The following GCH1 variants were observed in gnomAD, a reference collection of about 807,000 sequenced individuals.
The protein encoded by GCH1 is GTP cyclohydrolase I.
GCH1 carries 5 observed loss-of-function variants against 25.9 expected under a neutral mutation model. The ratio of observed to expected loss-of-function variants is 0.19; its 90% confidence interval spans 0.10 to 0.41. The LOEUF (loss-of-function observed/expected upper bound fraction) is 0.41, where lower values mean the gene tolerates loss of function less well. Ranked by LOEUF, GCH1 falls within the 10% of genes least tolerant of loss-of-function variation. GCH1 has a pLI of 1.00. For synonymous variants in GCH1, 159 were observed against 129.6 expected (o/e 1.23, Z -1.54); for missense variants, 261 against 336.5 (o/e 0.78, Z 1.75).
chr14:54,895,461 G>C (rs1251370595), intron 1 of GCH1, among the ~76,000 whole-genome samples: 1 of 152,188 alleles, frequency 6.6e-6, no homozygotes, highest in Non-Finnish European at 1.5e-5. Context: ...GATGGAACAA[G>C]TTATACCCAT....
At chr14:54,896,551 A>G (rs1273608366) in intron 1 of GCH1, among the ~76,000 whole-genome samples, 4 of 152,134 alleles carry the variant, frequency 2.6e-5, no homozygotes, top group Admixed American at 2.0e-4. Flanking sequence ...ACTACAACCT[A>G]CAGTAAGAAA....
At position 54,858,068 on chromosome 14, in the gene GCH1, G is replaced by A. The variant is rs536763554; in HGVS notation, c.509+1613C>T. Among the ~76,000 whole-genome samples the A allele has an allele frequency of 1.4e-4, 22 of 152,212 alleles. No homozygotes were observed. The South Asian group carries it at 4.4e-3, about 30-fold the overall frequency. ...ATTGATCCCCAGAGGAAATGAATGA[G>A]AAAGTGGAAGTGAAAACAAAGTAAC... is the stretch of plus-strand genomic sequence containing the variant. On this transcript the variant is annotated intron_variant, in intron 3 of 5. Coordinates refer to ENST00000491895, the MANE Select transcript of GCH1 (RefSeq NM_000161.3).
At chr14:54,875,738 A>G (rs949855547) in intron 1 of GCH1, among the ~76,000 whole-genome samples, 5 of 152,276 alleles carry the variant, frequency 3.3e-5, no homozygotes, top group Admixed American at 6.5e-5. Context: ...CAAAAGACAC[A>G]TGAAAAAATG....
chr14:54,895,654 C>T (rs1225015147), intron 1 of GCH1, among the ~76,000 whole-genome samples: 3 of 152,140 alleles, frequency 2.0e-5, no homozygotes, highest in African/African-American at 7.2e-5. Flanking sequence ...GAAAGGAGAA[C>T]TCACCAAGAT....
intron 1 of GCH1, among the ~76,000 whole-genome samples, chr14:54,870,955 T>C (rs10134163): frequency 0.21 from 32,699 of 152,110 alleles, 4,906 homozygotes; most frequent in East Asian, 0.41. Flanking sequence ...CAGCAGAAAC[T>C]TCTGCAGACT....
chr14:54,867,396 T>C (rs1402937961), intron 1 of GCH1, among the ~76,000 whole-genome samples: 2 of 151,970 alleles, frequency 1.3e-5, no homozygotes, highest in Admixed American at 6.6e-5. Flanking sequence ...GAGACCAGCC[T>C]GGCCAACATG....
At chr14:54,899,689 A>G (rs1248982943) in intron 1 of GCH1, among the ~76,000 whole-genome samples, 2 of 152,012 alleles carry the variant, frequency 1.3e-5, no homozygotes, top group African/African-American at 4.8e-5. Context: ...TGAAGTTACA[A>G]TCCAGTGGCA....
At chr14:54,854,610 C>T (rs2039781333) in intron 3 of GCH1, among the ~76,000 whole-genome samples, 1 of 152,058 alleles carries the variant, frequency 6.6e-6, no homozygotes, top group African/African-American at 2.4e-5. Context: ...AGACAAATGA[C>T]GAGCTGGGAA....
intron 1 of GCH1, chr14:54,885,358 G>T: frequency 3.8e-6 from 1 of 263,488 alleles, no homozygotes; most frequent in Non-Finnish European, 7.8e-6. Context: ...CTGGGGGGCT[G>T]TGATGGGGTC....
chr14:54,863,504 A>G (rs1311872167), intron 2 of GCH1, among the ~76,000 whole-genome samples: 9 of 147,562 alleles, frequency 6.1e-5, no homozygotes, highest in Admixed American at 4.7e-4. Context: ...AATAGCAAAA[A>G]AAAAAAAAAA....
Position 54,842,969 on chromosome 14 carries a change from A to T in GCH1, c.*1048T>A. 1 of 743,782 alleles carries T rather than the reference A, an allele frequency of 1.3e-6. No individual in the cohort carries two copies. The highest frequency in any genetic ancestry group is 2.5e-6 in the Non-Finnish European group (1 of 405,658). The allele number at this position is 743,782 out of a possible 1,614,324, so 46.1% of individuals were successfully genotyped here. On this transcript the variant is annotated 3_prime_UTR_variant, in exon 6 of 6. Transcript: ENST00000491895. ...ATCGTTGGTACGATACGCTTTGGTT[A>T]AAACGTTGGACACAGCTCATAATGT... is the stretch of plus-strand genomic sequence containing the variant.
intron 1 of GCH1, among the ~76,000 whole-genome samples, chr14:54,898,535 C>T (rs1010524665): frequency 2.0e-5 from 3 of 152,148 alleles, no homozygotes; most frequent in Non-Finnish European, 4.4e-5. Context: ...CAGCTTAAAA[C>T]AAAAACACAT....
intron 1 of GCH1, among the ~76,000 whole-genome samples, chr14:54,899,502 G>A (rs538216194): frequency 2.0e-5 from 3 of 152,008 alleles, no homozygotes; most frequent in East Asian, 3.9e-4. Context: ...TAAATGGTCC[G>A]CTCCATGGAC....
At chr14:54,870,147 T>C (rs1205117035) in intron 1 of GCH1, among the ~76,000 whole-genome samples, 3 of 152,222 alleles carry the variant, frequency 2.0e-5, no homozygotes, top group East Asian at 3.9e-4. Context: ...ACATTGTACA[T>C]GTAAAGTAGG....
rs1167853507 is a variant in GCH1 at position 54,843,056 on chromosome 14, T to C, written c.*961A>G. On this transcript the variant is annotated 3_prime_UTR_variant, in exon 6 of 6. Coordinates refer to ENST00000491895, the MANE Select transcript of GCH1 (RefSeq NM_000161.3). Reference sequence around the variant, plus strand: ...CGTGGAAGCTATGGTTCTGCAGACCTGAAAATGATGGGCACTCTCAAATGT... The same window carrying C: ...CGTGGAAGCTATGGTTCTGCAGACCCGAAAATGATGGGCACTCTCAAATGT... 2 of 1,111,982 alleles carry C rather than the reference T, an allele frequency of 1.8e-6. No individual in the cohort carries two copies. Among genetic ancestry groups the C allele is most frequent in the Admixed American group, 1.7e-5 (1 of 59,186 alleles). The allele number at this position is 1,111,982 out of a possible 1,614,324, so 68.9% of individuals were successfully genotyped here.
At position 54,842,860 on chromosome 14, in the gene GCH1, A is replaced by G; in HGVS notation, c.*1157T>C. On this transcript the variant is annotated 3_prime_UTR_variant, in exon 6 of 6. Transcript: ENST00000491895. ...CTTCCAGGATTAAAATACCTATACC[A>G]TCTATACGGAGTTACAATGAGGACA... 1 of 459,546 alleles carries G rather than the reference A, an allele frequency of 2.2e-6. No individual in the cohort carries two copies. Among genetic ancestry groups the G allele is most frequent in the Non-Finnish European group, 3.9e-6 (1 of 255,010 alleles). The allele number at this position is 459,546 out of a possible 1,614,324, so 28.5% of individuals were successfully genotyped here. A position where few individuals can be genotyped will look rare whatever the true frequency, so the allele number is the denominator to read the frequency against.
chr14:54,848,760 G>C (rs1415507002), intron 3 of GCH1, among the ~76,000 whole-genome samples: 1 of 152,078 alleles, frequency 6.6e-6, no homozygotes, highest in East Asian at 1.9e-4. Context: ...CTTTATCCCA[G>C]CAGTAGTTAC....
chr14:54,866,899 T>C (rs1416555642), intron 1 of GCH1, among the ~76,000 whole-genome samples: 4 of 152,136 alleles, frequency 2.6e-5, no homozygotes, highest in Non-Finnish European at 4.4e-5. Context: ...GCTGATAACA[T>C]CCCAGGAGAA....
At chr14:54,854,721 C>T (rs555406891) in intron 3 of GCH1, among the ~76,000 whole-genome samples, 38 of 152,236 alleles carry the variant, frequency 2.5e-4, no homozygotes, top group African/African-American at 7.9e-4. Context: ...AATACTGGAG[C>T]TAAGAACAGG....
Sources: allele counts gnomAD v4.1 joint callset (sites outside exome capture counted in the v4.1 genomes callset), GRCh38; gene constraint gnomAD v4.1.1; transcripts MANE v1.5; gene names NCBI Gene and HGNC (gene_info 2026-07-23, HGNC 2026-07-21).